The following PCDHA8 variants were observed in gnomAD, a reference collection of about 807,000 sequenced individuals.
PCDHA8 encodes the protein protocadherin alpha 8.
Under a neutral mutation model 61.8 loss-of-function variants are expected in PCDHA8, and 53 were observed. The ratio of observed to expected loss-of-function variants is 0.86; its 90% CI spans 0.69 to 1.08. The LOEUF is 1.08. PCDHA8 is among the 50% of genes least tolerant of loss of function. The pLI is 0.00. For missense variants in PCDHA8, 1,293 were observed against 1,245.0 expected, an observed-to-expected ratio of 1.04 and a Z score of -0.58; for synonymous variants, 618 against 556.6, an observed-to-expected ratio of 1.11 and a Z score of -1.55.
chr5:140,933,064 A>G (rs2088836698), intron 1 of PCDHA8, among the ~76,000 whole-genome samples: 1 of 152,030 alleles, frequency 6.6e-6, no homozygotes, highest in African/African-American at 2.4e-5. Context: ...GATCCTGACT[A>G]AAGTATTATG....
intron 1 of PCDHA8, chr5:140,858,129 T>A (rs1258479453): frequency 6.3e-7 from 1 of 1,597,464 alleles, no homozygotes; most frequent in Non-Finnish European, 8.6e-7. Context: ...CTGGTGGATG[T>A]CAACGTGTAC....
At chr5:141,006,880 G>A (rs1554260955) in intron 3 of PCDHA8, among the ~76,000 whole-genome samples, 1 of 152,192 alleles carries the variant, frequency 6.6e-6, no homozygotes, top group Non-Finnish European at 1.5e-5. Flanking sequence ...GAGGAATCAA[G>A]AGTTTGATTT....
Position 140,850,710 on chromosome 5 carries a change from C to T in PCDHA8, c.2394+6995C>T, listed in dbSNP as rs149535933. The T allele has an allele frequency of 3.1e-6, 5 of 1,597,920 alleles. No homozygotes were observed. The African/African-American group carries it at 6.7e-5, about 22-fold the overall frequency. On this transcript the variant is annotated intron_variant, in intron 1 of 3. Coordinates refer to ENST00000531613, the MANE Select transcript of PCDHA8 (RefSeq NM_018911.3). ...CGAGTGCGCGCCTGGCAAGCCGACG[C>T]TGGTGTGTTCTAGCGCGGTGGGGAG... is the stretch of plus-strand genomic sequence containing the variant.
chr5:140,866,263 T>G (rs1051175533), intron 1 of PCDHA8: 1 of 152,174 alleles, frequency 6.6e-6, no homozygotes, highest in Non-Finnish European at 1.5e-5. Context: ...CTTTCTTTAC[T>G]GTGAATAAAG....
intron 1 of PCDHA8, chr5:140,877,747 T>C (rs1554170075): frequency 1.2e-6 from 2 of 1,614,172 alleles, no homozygotes; most frequent in Non-Finnish European, 8.5e-7. Context: ...GCAGAGGGTG[T>C]GCTCTGCAGA....
Position 140,842,281 on chromosome 5 carries a change from T to G in PCDHA8, c.960T>G (p.Ile320Met), listed in dbSNP as rs1777847899. The change falls in exon 1 of 4, where the codon ATT becomes ATG. Residue 320 changes from isoleucine (I) to methionine (M), a missense_variant. Coordinates refer to ENST00000531613, the MANE Select transcript of PCDHA8 (RefSeq NM_018911.3). ...FEQENLYKIL[I>M]DATDKGHPPM... Reference sequence around the variant, plus strand: ...AAGAAAACTTATACAAAATCCTCATTGACGCCACGGACAAAGGCCATCCTC... The same window carrying G: ...AAGAAAACTTATACAAAATCCTCATGGACGCCACGGACAAAGGCCATCCTC... 3 of 1,610,824 alleles carry G rather than the reference T, an allele frequency of 1.9e-6. No individual in the cohort carries two copies. The East Asian group carries it at 6.7e-5, about 36-fold the overall frequency.
chr5:140,983,334 T>A (rs1314550664), intron 3 of PCDHA8, among the ~76,000 whole-genome samples: 1 of 152,234 alleles, frequency 6.6e-6, no homozygotes, highest in African/African-American at 2.4e-5. Context: ...GCCCTATCAC[T>A]AAAGCAGGGT....
chr5:140,884,355 T>C, intron 1 of PCDHA8: 1 of 1,613,922 alleles, frequency 6.2e-7, no homozygotes, highest in Admixed American at 1.7e-5. Context: ...CTGGTGGATG[T>C]CAATGTTTAC....
At chr5:140,877,656 C>G (rs782196097) in intron 1 of PCDHA8, 6 of 1,613,560 alleles carry the variant, frequency 3.7e-6, no homozygotes, top group Non-Finnish European at 5.1e-6. Flanking sequence ...CGCCGCCCAC[C>G]GTGAGCCGGT....
chr5:140,989,127 A>G (rs914524582), intron 3 of PCDHA8: 2 of 152,216 alleles, frequency 1.3e-5, no homozygotes, highest in Non-Finnish European at 2.9e-5. Context: ...TAGAAAAATA[A>G]GACACTTTAT....
intron 2 of PCDHA8, among the ~76,000 whole-genome samples, chr5:140,979,626 A>T (rs2096859120): frequency 2.0e-5 from 3 of 152,204 alleles, no homozygotes; most frequent in Non-Finnish European, 4.4e-5. Flanking sequence ...TTAGTCTAAG[A>T]CTCAGATTAA....
chr5:140,874,216 C>A (rs1482061600), intron 1 of PCDHA8, among the ~76,000 whole-genome samples: 1 of 152,146 alleles, frequency 6.6e-6, no homozygotes, highest in African/African-American at 2.4e-5. Flanking sequence ...TTATTATATG[C>A]AGTAGGAATG....
At chr5:140,848,823 G>C in intron 1 of PCDHA8, 1 of 1,590,794 alleles carries the variant, frequency 6.3e-7, no homozygotes, top group South Asian at 1.1e-5. Context: ...GGAGGTGATC[G>C]TAGACAGGCC....
At chr5:140,907,590 C>A (rs924020141) in intron 1 of PCDHA8, among the ~76,000 whole-genome samples, 11 of 152,210 alleles carry the variant, frequency 7.2e-5, no homozygotes, top group Non-Finnish European at 1.6e-4. Flanking sequence ...TGGCTGATCA[C>A]CCTGAGGAAT....
chr5:140,893,210 G>C (rs2063874103), intron 1 of PCDHA8, among the ~76,000 whole-genome samples: 1 of 152,204 alleles, frequency 6.6e-6, no homozygotes, highest in Non-Finnish European at 1.5e-5. Flanking sequence ...GTAAGTATGG[G>C]AGGTGCAGGT....
intron 1 of PCDHA8, among the ~76,000 whole-genome samples, chr5:140,881,751 A>G (rs974973794): frequency 6.6e-6 from 1 of 152,206 alleles, no homozygotes; most frequent in Non-Finnish European, 1.5e-5. Flanking sequence ...GGACAGTACC[A>G]CAAAAACCTA....
chr5:140,957,968 T>C (rs1276763203), intron 1 of PCDHA8, among the ~76,000 whole-genome samples: 1 of 152,154 alleles, frequency 6.6e-6, no homozygotes, highest in Non-Finnish European at 1.5e-5. Flanking sequence ...TCAGAGATGC[T>C]GTATAAATAG....
intron 1 of PCDHA8, among the ~76,000 whole-genome samples, chr5:140,961,237 G>A (rs1170465013): frequency 1.3e-5 from 2 of 152,136 alleles, no homozygotes; most frequent in African/African-American, 4.8e-5. Context: ...AAAAGGTGAT[G>A]GAATTTATCC....
At chr5:140,854,796 A>G (rs1379187736) in intron 1 of PCDHA8, 2 of 149,770 alleles carry the variant, frequency 1.3e-5, no homozygotes, top group African/African-American at 4.9e-5. Flanking sequence ...TTGAGAGAGA[A>G]AAAAATATTT....
Sources: gnomAD v4.1 joint callset for allele counts (sites outside exome capture counted in the v4.1 genomes callset) on GRCh38, gnomAD v4.1.1 for gene constraint, MANE v1.5 for transcripts, NCBI Gene and HGNC (gene_info 2026-07-23, HGNC 2026-07-21) for gene names.